The following CNTN5 variants were observed in gnomAD, a reference collection of about 807,000 sequenced individuals.
CNTN5 encodes the protein contactin-5.
In CNTN5, 77 loss-of-function variants were observed where a neutral mutation model predicts 129.1. That is an observed-to-expected ratio of 0.60 (90% confidence interval 0.50 to 0.72). The LOEUF is 0.72. Among genes scored for constraint, CNTN5 ranks in the 30% least tolerant of loss-of-function variants. The pLI is 0.00. For missense variants in CNTN5, 1,478 were observed against 1,328.8 expected (o/e 1.11, Z -1.75); for synonymous variants, 509 against 465.6 (o/e 1.09, Z -1.20).
rs1466325280 is a variant in CNTN5, at chr11:99,544,190, A to G, written c.-70-11955A>G. Among the ~76,000 whole-genome samples, 4 of 152,126 alleles carry G rather than the reference A, an allele frequency of 2.6e-5. No homozygotes were observed. The East Asian group carries it at 7.7e-4, about 29-fold the overall frequency. ...GAAGCAGGACCAAGAGGATCTTGTG[A>G]GAACTCGCTCACTATTGCAAGTATA... On this transcript the variant is annotated intron_variant, in intron 2 of 24. Coordinates refer to ENST00000524871, the MANE Select transcript of CNTN5 (RefSeq NM_014361.4).
intron 2 of CNTN5, among the ~76,000 whole-genome samples, chr11:99,355,304 A>G (rs1938567409): frequency 6.6e-6 from 1 of 152,192 alleles, no homozygotes; most frequent in African/African-American, 2.4e-5. Context: ...TAGCCTATAG[A>G]ACATATGTCC....
chr11:100,105,335 CAG>C (rs978056626), intron 13 of CNTN5, among the ~76,000 whole-genome samples: 6 of 151,826 alleles, frequency 4.0e-5, no homozygotes, highest in African/African-American at 1.5e-4. Flanking sequence ...GATGCATGAG[CAG>C]AGAGAGAGAA....
At chr11:100,284,501 T>C (rs74240256) in intron 18 of CNTN5, among the ~76,000 whole-genome samples, 3,769 of 152,240 alleles carry the variant, frequency 0.025, 137 homozygotes, top group East Asian at 0.19. Flanking sequence ...CTCTATTATT[T>C]AAAAAGATGA....
chr11:100,000,582 C>T (rs1257782356), intron 8 of CNTN5, among the ~76,000 whole-genome samples: 1 of 152,172 alleles, frequency 6.6e-6, no homozygotes, highest in Non-Finnish European at 1.5e-5. Context: ...ATCCACCATT[C>T]TGGGGTCTGG....
At chr11:99,681,517 A>G (rs1306966231) in intron 3 of CNTN5, among the ~76,000 whole-genome samples, 2 of 152,122 alleles carry the variant, frequency 1.3e-5, no homozygotes, top group East Asian at 3.9e-4. Flanking sequence ...CTTAGATGAT[A>G]GCATTTTTTA....
intron 7 of CNTN5, among the ~76,000 whole-genome samples, chr11:99,934,831 C>T (rs1212937630): frequency 2.7e-5 from 4 of 149,678 alleles, no homozygotes; most frequent in African/African-American, 9.9e-5. Context: ...GCTGAGATCG[C>T]ACCACTGCAC....
chr11:99,761,024 G>A (rs1467752416), intron 3 of CNTN5, among the ~76,000 whole-genome samples: 1 of 152,058 alleles, frequency 6.6e-6, no homozygotes, highest in Non-Finnish European at 1.5e-5. Context: ...TTCATTAATA[G>A]GGAACTGTAC....
intron 23 of CNTN5, among the ~76,000 whole-genome samples, chr11:100,348,198 AT>A (rs5794053): frequency 0.98 from 149,537 of 152,046 alleles, 73,543 homozygotes; most frequent in East Asian, 1. Flanking sequence ...GTCAATAACT[AT>A]TTTTTTCTAT....
At chr11:100,070,892 T>G (rs1333399390) in intron 11 of CNTN5, among the ~76,000 whole-genome samples, 3 of 152,130 alleles carry the variant, frequency 2.0e-5, no homozygotes, top group Non-Finnish European at 4.4e-5. Context: ...AAACTATCAA[T>G]ATTATCATAG....
intron 7 of CNTN5, among the ~76,000 whole-genome samples, chr11:99,954,293 T>C (rs927577996): frequency 2.0e-5 from 3 of 152,202 alleles, no homozygotes; most frequent in African/African-American, 7.2e-5. Flanking sequence ...AAATAGGGAC[T>C]ACTCACTGAA....
intron 13 of CNTN5, among the ~76,000 whole-genome samples, chr11:100,090,562 CCCT>C (rs1944741968): frequency 8.1e-6 from 1 of 123,894 alleles, no homozygotes; most frequent in Non-Finnish European, 1.7e-5. Flanking sequence ...CTCCCTCCCT[CCCT>C]CCTTCCTTCC....
At chr11:99,567,939 T>C (rs1301198561) in intron 3 of CNTN5, among the ~76,000 whole-genome samples, 1 of 152,192 alleles carries the variant, frequency 6.6e-6, no homozygotes, top group African/African-American at 2.4e-5. Context: ...AAAAGGTTTC[T>C]ATAATTGTCA....
chr11:99,885,182 T>A (rs1948870284), intron 6 of CNTN5, among the ~76,000 whole-genome samples: 2 of 151,814 alleles, frequency 1.3e-5, no homozygotes, highest in South Asian at 4.2e-4. Context: ...CTGGGGGCGC[T>A]CAGGTGGGAG....
intron 2 of CNTN5, among the ~76,000 whole-genome samples, chr11:99,541,792 T>C (rs974979864): frequency 6.6e-6 from 1 of 150,948 alleles, no homozygotes; most frequent in Non-Finnish European, 1.5e-5. Context: ...CTATGGAAAA[T>C]CAAAAAATTG....
At chr11:99,558,427 T>C (rs566907797) in intron 3 of CNTN5, 1 of 169,182 alleles carries the variant, frequency 5.9e-6, no homozygotes, top group African/African-American at 2.4e-5. Flanking sequence ...ATGCAATATT[T>C]TATTTCATTT....
chr11:100,082,781 A>C (rs1944411695), intron 13 of CNTN5, among the ~76,000 whole-genome samples: 1 of 152,158 alleles, frequency 6.6e-6, no homozygotes. Context: ...GTTATCTCTG[A>C]GAAGAGGATT....
chr11:99,095,311 A>G (rs867044650), intron 1 of CNTN5, among the ~76,000 whole-genome samples: 3 of 152,026 alleles, frequency 2.0e-5, no homozygotes, highest in Middle Eastern at 6.8e-3. Flanking sequence ...CTCCCCCAAG[A>G]AATGTATTTC....
intron 16 of CNTN5, among the ~76,000 whole-genome samples, chr11:100,249,083 G>T (rs1404786880): frequency 6.6e-6 from 1 of 152,008 alleles, no homozygotes; most frequent in Non-Finnish European, 1.5e-5. Flanking sequence ...CAAACTAGAT[G>T]ACTCCAATTA....
chr11:99,534,130 A>T (rs2407045), intron 2 of CNTN5, among the ~76,000 whole-genome samples: 8,269 of 152,320 alleles, frequency 0.054, 313 homozygotes, highest in Non-Finnish European at 0.077. Context: ...ACCTTTAACC[A>T]GAAGGATTAA....
Sources: gnomAD v4.1 joint callset for allele counts (sites outside exome capture counted in the v4.1 genomes callset) on GRCh38, gnomAD v4.1.1 for gene constraint, MANE v1.5 for transcripts, NCBI Gene and HGNC (gene_info 2026-07-23, HGNC 2026-07-21) for gene names.